Variants in PATJ observed in about 807,000 individuals in gnomAD.
PATJ encodes the protein inaD-like protein.
A neutral mutation model predicts 224.9 loss-of-function variants in PATJ; 190 were observed. The observed-to-expected ratio is 0.84, with a 90% CI of 0.75 to 0.95. PATJ has a LOEUF of 0.95. PATJ is among the 40% of genes least tolerant of loss of function. The pLI is 0.00. For synonymous variants in PATJ, 769 were observed against 820.3 expected (o/e 0.94, Z 1.07); for missense variants, 2,121 against 2,270.3 (o/e 0.93, Z 1.34).
At chr1:61,848,637 A>T (rs1662343345) in intron 17 of PATJ, among the ~76,000 whole-genome samples, 1 of 151,676 alleles carries the variant, frequency 6.6e-6, no homozygotes, top group Non-Finnish European at 1.5e-5. Flanking sequence ...GGTGGTCTTG[A>T]CCTCCTGGAC....
chr1:61,947,952 A>G (rs1445852247), intron 27 of PATJ, among the ~76,000 whole-genome samples: 2 of 152,190 alleles, frequency 1.3e-5, no homozygotes, highest in Admixed American at 1.3e-4. Flanking sequence ...TGACAAAAAC[A>G]TGAAATGGGG....
At chr1:61,829,955 G>A (rs997843908) in intron 16 of PATJ, among the ~76,000 whole-genome samples, 13 of 152,154 alleles carry the variant, frequency 8.5e-5, no homozygotes, top group African/African-American at 3.1e-4. Flanking sequence ...AATATGCAGA[G>A]GTTATTGATC....
chr1:61,996,940 C>T (rs1001393368), intron 28 of PATJ, among the ~76,000 whole-genome samples: 4 of 151,812 alleles, frequency 2.6e-5, no homozygotes, highest in Non-Finnish European at 5.9e-5. Context: ...CGGGGTGTCA[C>T]CATGTTGGCC....
At chr1:62,094,055 T>C (rs1330450166) in intron 33 of PATJ, among the ~76,000 whole-genome samples, 1 of 152,194 alleles carries the variant, frequency 6.6e-6, no homozygotes, top group Non-Finnish European at 1.5e-5. Flanking sequence ...TAGTTTGCAA[T>C]CCCTGAGTTT....
intron 28 of PATJ, among the ~76,000 whole-genome samples, chr1:62,016,859 G>A (rs1188273730): frequency 6.6e-6 from 1 of 152,184 alleles, no homozygotes; most frequent in Non-Finnish European, 1.5e-5. Flanking sequence ...ACAAAATCAT[G>A]TTTAATGGGC....
chr1:61,837,429 A>G (rs1383861306), intron 17 of PATJ, among the ~76,000 whole-genome samples: 2 of 152,180 alleles, frequency 1.3e-5, no homozygotes, highest in African/African-American at 2.4e-5. Context: ...TTGATGAGCC[A>G]TATGTGAATT....
intron 28 of PATJ, among the ~76,000 whole-genome samples, chr1:62,011,650 G>A (rs1199420873): frequency 4.0e-5 from 6 of 151,442 alleles, no homozygotes; most frequent in Non-Finnish European, 7.4e-5. Flanking sequence ...CAGGAAGTCA[G>A]CACATGCCAC....
At chr1:61,897,613 T>G (rs1174943824) in intron 22 of PATJ, among the ~76,000 whole-genome samples, 2 of 152,264 alleles carry the variant, frequency 1.3e-5, no homozygotes, top group Non-Finnish European at 2.9e-5. Context: ...AAAAGGCTCC[T>G]GCCAGCTGAT....
At chr1:61,850,674 A>G (rs1662677370) in intron 17 of PATJ, among the ~76,000 whole-genome samples, 1 of 152,240 alleles carries the variant, frequency 6.6e-6, no homozygotes, top group South Asian at 2.1e-4. Flanking sequence ...TAGTGTGGCT[A>G]AAAGCACAAA....
chr1:61,990,436 G>T, intron 28 of PATJ, 72 bp downstream of exon 28: 1 of 1,000,294 alleles, frequency 1.0e-6, no homozygotes, highest in Non-Finnish European at 1.4e-6. Context: ...ATAGGAAAAT[G>T]AGGTGAAAGG....
chr1:61,763,585 T>G (rs945082574), intron 3 of PATJ, among the ~76,000 whole-genome samples: 5 of 152,180 alleles, frequency 3.3e-5, no homozygotes, highest in African/African-American at 1.2e-4. Flanking sequence ...TTTGTACTTA[T>G]TTAAGTATGT....
At chr1:61,752,658 C>A (rs544101878) in intron 1 of PATJ, among the ~76,000 whole-genome samples, 2 of 152,258 alleles carry the variant, frequency 1.3e-5, no homozygotes, top group African/African-American at 4.8e-5. Context: ...TATTTATGTT[C>A]ATTGAAGCAC....
intron 1 of PATJ, among the ~76,000 whole-genome samples, chr1:61,748,510 C>T (rs1645149928): frequency 6.6e-6 from 1 of 151,764 alleles, no homozygotes; most frequent in Non-Finnish European, 1.5e-5. Context: ...CCCGCCTCAG[C>T]CTCCCAAAGT....
intron 41 of PATJ, among the ~76,000 whole-genome samples, chr1:62,134,531 G>C (rs1422932036): frequency 6.6e-6 from 1 of 150,422 alleles, no homozygotes; most frequent in African/African-American, 2.4e-5. Context: ...TTTTAGTAGA[G>C]ACGGGGTTTC....
intron 42 of PATJ, among the ~76,000 whole-genome samples, chr1:62,151,591 A>G (rs1668643765): frequency 1.3e-5 from 2 of 152,044 alleles, no homozygotes; most frequent in African/African-American, 4.8e-5. Flanking sequence ...ACTCCGTCTC[A>G]AAAAAATAAA....
At chr1:61,928,225 C>T (rs1183221636) in intron 27 of PATJ, among the ~76,000 whole-genome samples, 1 of 152,164 alleles carries the variant, frequency 6.6e-6, no homozygotes, top group Non-Finnish European at 1.5e-5. Flanking sequence ...AGAAGGCCCA[C>T]CAACTTGTAT....
intron 27 of PATJ, among the ~76,000 whole-genome samples, chr1:61,965,346 C>G (rs1252335884): frequency 6.6e-6 from 1 of 151,554 alleles, no homozygotes; most frequent in African/African-American, 2.4e-5. Flanking sequence ...GCCTAAAACT[C>G]AGTAGAGTTA....
chr1:61,813,810 C>G, intron 14 of PATJ, among the ~76,000 whole-genome samples: 1 of 152,042 alleles, frequency 6.6e-6, no homozygotes, highest in East Asian at 1.9e-4. Flanking sequence ...GAGGTAATAA[C>G]TGGCCTAATT....
chr1:62,134,901 C>T (rs180782023), intron 41 of PATJ, among the ~76,000 whole-genome samples: 50 of 152,158 alleles, frequency 3.3e-4, no homozygotes, highest in Admixed American at 9.8e-4. Context: ...CAATGTAGTC[C>T]AGAAAAATTC....
Sources: allele counts gnomAD v4.1 joint callset (sites outside exome capture counted in the v4.1 genomes callset), GRCh38; gene constraint gnomAD v4.1.1; transcripts MANE v1.5; gene names NCBI Gene and HGNC (gene_info 2026-07-23, HGNC 2026-07-21).